The following DDX6 variants were observed in gnomAD, a reference collection of about 807,000 sequenced individuals.
The protein encoded by DDX6 is DEAD-box helicase 6, also known as probable ATP-dependent RNA helicase DDX6.
In DDX6, 7 loss-of-function variants were observed where a neutral mutation model predicts 60.6. The observed-to-expected ratio is 0.12, with a 90% CI of 0.07 to 0.22. The LOEUF is 0.22. Ranked by LOEUF, DDX6 falls within the 10% of genes least tolerant of loss-of-function variation. The pLI, the probability that DDX6 is intolerant of heterozygous loss-of-function variation, is 1.00. For synonymous variants in DDX6, 207 were observed against 201.0 expected (o/e 1.03, Z -0.25); for missense variants, 270 against 589.9 (o/e 0.46, Z 5.62).
rs782274778 is a variant in DDX6, at chr11:118,756,278, G to A, written c.1156C>T (p.Arg386Cys). The A allele has an allele frequency of 6.2e-7, 1 of 1,613,476 alleles. No homozygotes were observed. Among genetic ancestry groups the A allele is most frequent in the Non-Finnish European group, 8.5e-7 (1 of 1,179,644 alleles). The stretch of plus-strand genomic sequence containing the variant: ...TACTTACCAGTGCAAACAAGATTGC[G>A]GCATAAGCCATTTCGGAAATCATGA... ...VFHDFRNGLC[R>C]NLVCTDLFTR... The change falls in exon 11 of 14, where the codon CGC (arginine) becomes TGC (cysteine). Residue 386 changes from arginine (R) to cysteine (C), a missense_variant. By Grantham distance (180) the Arg-to-Cys change is radical (BLOSUM62 -3). This residue lies in a region of DDX6 where 69 missense variants were observed against 208.2 expected (regional missense o/e 0.33). Coordinates refer to ENST00000534980, the MANE Select transcript of DDX6 (RefSeq NM_004397.6).
At chr11:118,785,131 T>C (rs1347819260) in intron 2 of DDX6, among the ~76,000 whole-genome samples, 4 of 152,192 alleles carry the variant, frequency 2.6e-5, no homozygotes, top group African/African-American at 9.6e-5. Flanking sequence ...AAATGTTAAT[T>C]TCCTATAACT....
Position 118,786,349 on chromosome 11 carries a change from TAA to T in DDX6, c.-100_-99del, listed in dbSNP as rs1862074393. ...TATTAGGCTCTCCAAAATGAAGAGA[TAA>T]ATATAAGTCTTGCTCAATAAATGAG... On this transcript the variant is annotated 5_prime_UTR_variant, in exon 2 of 14. Coordinates refer to ENST00000534980, the MANE Select transcript of DDX6 (RefSeq NM_004397.6). The T allele has an allele frequency of 9.5e-6, 10 of 1,048,600 alleles. No homozygotes were observed. In the East Asian group the frequency reaches 2.5e-4, roughly 26 times the overall value. 65.0% of individuals were successfully genotyped at this position (1,048,600 alleles called of 1,614,324 possible). A position where few individuals can be genotyped will look rare whatever the true frequency, so the allele number is the denominator to read the frequency against.
intron 9 of DDX6, among the ~76,000 whole-genome samples, chr11:118,757,604 T>G (rs980701821): frequency 3.9e-5 from 6 of 152,122 alleles, no homozygotes; most frequent in Admixed American, 2.0e-4. Context: ...TATTTTTTTT[T>G]TGTGAAATGG....
intron 1 of DDX6, chr11:118,790,297 T>A (rs943472494): frequency 6.6e-6 from 1 of 152,006 alleles, no homozygotes; most frequent in African/African-American, 2.4e-5. Flanking sequence ...CACAAAAGGT[T>A]GGGGCTCTGC....
chr11:118,757,230 C>A lies in DDX6; in HGVS notation c.1051G>T (p.Ala351Ser). The part of the protein sequence containing the change: ...CNSSQRVELL[A>S]KKISQLGYSC... ...TAACCCAGTTGAGAAATCTTCTTGG[C>A]TAGCAATTCAACTCGCTGAGAGGAG... Residue 351 changes from alanine to serine, a missense_variant, in exon 10 of 14, where the codon GCC becomes TCC. Coordinates refer to ENST00000534980, the MANE Select transcript of DDX6 (RefSeq NM_004397.6). The A allele has an allele frequency of 6.3e-7, 1 of 1,588,170 alleles. No homozygotes were observed. The highest frequency in any genetic ancestry group is 8.6e-7 in the Non-Finnish European group (1 of 1,168,506).
At chr11:118,770,372 C>G (rs1861496884) in intron 4 of DDX6, among the ~76,000 whole-genome samples, 2 of 152,130 alleles carry the variant, frequency 1.3e-5, no homozygotes, top group Non-Finnish European at 2.9e-5. Flanking sequence ...ACCAAATTCA[C>G]AGTCACTGAC....
chr11:118,765,542 A>G (rs1422907547), intron 5 of DDX6, among the ~76,000 whole-genome samples, 187 bp from the exon 6 acceptor site: 1 of 152,198 alleles, frequency 6.6e-6, no homozygotes, highest in Non-Finnish European at 1.5e-5. Flanking sequence ...TGGGAGGCCA[A>G]GGTGGGCAGA....
At chr11:118,775,750 C>G (rs1861676543) in intron 4 of DDX6, among the ~76,000 whole-genome samples, 1 of 152,126 alleles carries the variant, frequency 6.6e-6, no homozygotes, top group South Asian at 2.1e-4. Context: ...TGCCTATATG[C>G]TATAACAACA....
chr11:118,768,259 G>C lies in DDX6; in HGVS notation c.463C>G (p.Leu155Val). Reference sequence around the variant, plus strand: ...TCCTTCTTCAGGTCTAGCCGTTCAAGTAAGGGAATGAGGTAGGCACCGCTC... The same window carrying C: ...TCCTTCTTCAGGTCTAGCCGTTCAACTAAGGGAATGAGGTAGGCACCGCTC... ...GKSGAYLIPL[L>V]ERLDLKKDNI... is the part of the protein sequence containing the mutation. The change falls in exon 5 of 14, where the codon CTT becomes GTT. Residue 155 changes from leucine (L) to valine (V), a missense_variant. By Grantham distance (32) the Leu-to-Val change is conservative. This residue lies in a region of DDX6 where 17 missense variants were observed against 18.6 expected (regional missense o/e 0.91). Transcript: ENST00000534980. The C allele has an allele frequency of 1.2e-6, 2 of 1,613,870 alleles. No individual in the cohort carries two copies. Among genetic ancestry groups the C allele is most frequent in the African/African-American group, 2.7e-5 (2 of 75,058 alleles).
At chr11:118,757,119 TAA>T in intron 10 of DDX6, 50 bp downstream of exon 10, 1 of 971,352 alleles carries the variant, frequency 1.0e-6, no homozygotes, top group Non-Finnish European at 1.5e-6. Flanking sequence ...TAAAACAAAA[TAA>T]AGAAAGAGAT....
chr11:118,790,679 GCAC>G (rs1407447474), intron 1 of DDX6, among the ~76,000 whole-genome samples: 1 of 151,926 alleles, frequency 6.6e-6, no homozygotes, highest in South Asian at 2.1e-4. Context: ...ACCCTGCTGC[GCAC>G]CACATTCCTA....
intron 9 of DDX6, among the ~76,000 whole-genome samples, 162 bp from the exon 10 acceptor site, chr11:118,757,449 T>G (rs1323969443): frequency 6.6e-6 from 1 of 152,168 alleles, no homozygotes; most frequent in Admixed American, 6.5e-5. Context: ...TTGTAAATAA[T>G]AGATGGAAGA....
At chr11:118,778,967 A>G (rs1479260945) in intron 4 of DDX6, among the ~76,000 whole-genome samples, 1 of 152,024 alleles carries the variant, frequency 6.6e-6, no homozygotes, top group Non-Finnish European at 1.5e-5. Flanking sequence ...ATCAGCCTGG[A>G]TAACATAGCA....
intron 4 of DDX6, among the ~76,000 whole-genome samples, chr11:118,776,833 A>AAT (rs1362115177): frequency 6.9e-6 from 1 of 145,678 alleles, no homozygotes; most frequent in East Asian, 1.9e-4. Context: ...CTCTGTCTCA[A>AAT]AAAAAAAAAA....
intron 4 of DDX6, among the ~76,000 whole-genome samples, chr11:118,768,998 A>G (rs1861446352): frequency 6.7e-6 from 1 of 149,358 alleles, no homozygotes; most frequent in African/African-American, 2.5e-5. Context: ...AAAAAAAAAA[A>G]AAAAAAAAAA....
chr11:118,752,131 G>A (rs1412947611), intron 13 of DDX6, 34 bp from the exon 14 acceptor site: 4 of 216,892 alleles, frequency 1.8e-5, no homozygotes, highest in Middle Eastern at 5.6e-4. Context: ...TTAACATTCT[G>A]AAAGCAACAC....
intron 5 of DDX6, among the ~76,000 whole-genome samples, chr11:118,767,044 A>G (rs538175894): frequency 8.6e-5 from 13 of 152,028 alleles, no homozygotes; most frequent in African/African-American, 3.1e-4. Context: ...ATGTCACCAC[A>G]CCCAGCTAAT....
intron 7 of DDX6, among the ~76,000 whole-genome samples, chr11:118,762,232 C>T (rs183999752): frequency 5.3e-5 from 8 of 150,276 alleles, no homozygotes; most frequent in Non-Finnish European, 1.0e-4. Context: ...GCCGAGATCA[C>T]GCCACTGCAC....
At chr11:118,756,360 CAT>C (rs1555158941) in intron 10 of DDX6, 37 bp from the exon 11 acceptor site, 1 of 1,488,606 alleles carries the variant, frequency 6.7e-7, no homozygotes, top group Non-Finnish European at 9.4e-7. Context: ...GATTAACACT[CAT>C]ATACAGCCCC....
Sources: gnomAD v4.1 joint callset for allele counts (sites outside exome capture counted in the v4.1 genomes callset) on GRCh38, gnomAD v4.1.1 for gene constraint, gnomAD v4.1.1 regional missense constraint, MANE v1.5 for transcripts, NCBI Gene and HGNC (gene_info 2026-07-23, HGNC 2026-07-21) for gene names.